TMEM183A: variants seen among roughly 807,000 people sequenced by gnomAD.
TMEM183A encodes the protein chromosome 1 open reading frame 37.
In TMEM183A, 21 loss-of-function variants were observed where a neutral mutation model predicts 46.7. The observed-to-expected ratio is 0.45, with a 90% confidence interval of 0.32 to 0.65. The LOEUF (loss-of-function observed/expected upper bound fraction) is 0.65, where lower values mean the gene tolerates loss of function less well. Among genes scored for constraint, TMEM183A ranks in the 30% least tolerant of loss-of-function variants. The probability of loss-of-function intolerance (pLI) is 0.04; values close to 1 mark genes in which losing one functional copy is unlikely to be tolerated. For synonymous variants in TMEM183A, 165 were observed against 180.2 expected (o/e 0.92, Z 0.68); for missense variants, 331 against 481.9 (o/e 0.69, Z 2.93).
intron 3 of TMEM183A, among the ~76,000 whole-genome samples, chr1:203,012,271 A>ACACT (rs1222271599): frequency 6.6e-6 from 1 of 150,508 alleles, no homozygotes; most frequent in Non-Finnish European, 1.5e-5. Context: ...ACACACACAC[A>ACACT]CACACACGGT....
intron 3 of TMEM183A, 84 bp downstream of exon 3, chr1:203,008,894 A>G: frequency 7.2e-7 from 1 of 1,381,808 alleles, no homozygotes; most frequent in South Asian, 1.7e-5. Flanking sequence ...GCACAGGAGG[A>G]GATATAAGAC....
rs1244388757 is a variant in TMEM183A, at chr1:203,007,964, G to A, written c.199+101G>A. On this transcript the variant is annotated intron_variant, in intron 2 of 7. Coordinates refer to ENST00000367242, the MANE Select transcript of TMEM183A (RefSeq NM_138391.6). ...GTCCTTTAGTCGTCTTCCTGTAACC[G>A]TGTTTGCTTTCGTTAGTGTTAACTT... 6 of 1,453,632 alleles carry A rather than the reference G, an allele frequency of 4.1e-6. No individual in the cohort carries two copies. In the African/African-American group the frequency reaches 4.2e-5, roughly 10 times the overall value. 90.0% of individuals were successfully genotyped at this position (1,453,632 alleles called of 1,614,324 possible).
chr1:203,012,234 A>AACACACAC (rs1656711401), intron 3 of TMEM183A, among the ~76,000 whole-genome samples: 1 of 15,608 alleles, frequency 6.4e-5, no homozygotes, highest in Non-Finnish European at 1.4e-4. Context: ...TCCCCACTCC[A>AACACACAC]TCACACACAC....
chr1:203,017,845 A>G, intron 5 of TMEM183A: 1 of 986,036 alleles, frequency 1.0e-6, no homozygotes, highest in Non-Finnish European at 1.2e-6. Context: ...TTGATGGAAC[A>G]GCAGGACGTA....
At chr1:203,014,686 A>G (rs936860359) in intron 3 of TMEM183A, among the ~76,000 whole-genome samples, 3 of 152,140 alleles carry the variant, frequency 2.0e-5, no homozygotes, top group Admixed American at 6.5e-5. Flanking sequence ...AGGCCTTAAG[A>G]ACAAAACCTA....
Position 203,007,958 on chromosome 1 carries a change from G to A in TMEM183A, c.199+95G>A, listed in dbSNP as rs140480639. 9.8e-5 allele frequency: 146 copies of A among 1,487,004 alleles called. 2 individuals carry two copies. The African/African-American group carries it at 1.9e-3, about 19-fold the overall frequency. 92.1% of individuals were successfully genotyped at this position (1,487,004 alleles called of 1,614,324 possible). ...CTTGCAGTCCTTTAGTCGTCTTCCTGTAACCGTGTTTGCTTTCGTTAGTGT... is the reference window on the plus strand; with the variant it reads ...CTTGCAGTCCTTTAGTCGTCTTCCTATAACCGTGTTTGCTTTCGTTAGTGT... On this transcript the variant is annotated intron_variant, in intron 2 of 7. Transcript: ENST00000367242.
chr1:203,008,551 C>G, intron 2 of TMEM183A, 92 bp from the exon 3 acceptor site: 1 of 1,179,184 alleles, frequency 8.5e-7, no homozygotes, highest in Non-Finnish European at 1.1e-6. Context: ...TTTTTCCCCC[C>G]TTTCCTGAAT....
intron 6 of TMEM183A, among the ~76,000 whole-genome samples, chr1:203,020,353 G>A (rs560156469): frequency 6.6e-6 from 1 of 152,326 alleles, no homozygotes; most frequent in African/African-American, 2.4e-5. Flanking sequence ...CTGCAGGAAA[G>A]TGAATGCCGA....
At position 203,007,759 on chromosome 1, in the gene TMEM183A, G is replaced by A. The variant is rs764357364; in HGVS notation, c.110-15G>A. On this transcript the variant is annotated splice_polypyrimidine_tract_variant and intron_variant, in intron 1 of 7. Transcript: ENST00000367242. ...AGAGAAGGCCTCTTCCTTGAGGGTT[G>A]GTGCTGTGTTGCAGTGACCGTGGCG... 1.4e-5 allele frequency: 22 copies of A among 1,613,694 alleles called. No individual in the cohort carries two copies. The highest frequency in any genetic ancestry group is 1.6e-4 in the Middle Eastern group (1 of 6,076).
intron 2 of TMEM183A, among the ~76,000 whole-genome samples, chr1:203,008,237 C>T (rs1296319599): frequency 1.3e-5 from 2 of 152,070 alleles, no homozygotes; most frequent in African/African-American, 2.4e-5. Context: ...ACTCATGGGT[C>T]TGAGACTTGT....
At position 203,007,444 on chromosome 1, in the gene TMEM183A, G is replaced by T; in HGVS notation, c.-22G>T. The T allele has an allele frequency of 7.1e-7, 1 of 1,411,948 alleles. No homozygotes were observed. Among genetic ancestry groups the T allele is most frequent in the Non-Finnish European group, 9.2e-7 (1 of 1,081,122 alleles). The allele number at this position is 1,411,948 out of a possible 1,614,324, so 87.5% of individuals were successfully genotyped here. On this transcript the variant is annotated 5_prime_UTR_variant, in exon 1 of 8. Coordinates refer to ENST00000367242, the MANE Select transcript of TMEM183A (RefSeq NM_138391.6). ...GGCGGAGCTGGCTTGCGGCTCCCGG[G>T]GCCGGCTCTCCGGCCGGAGACATGG...
chr1:203,010,623 C>T lies in TMEM183A; in HGVS notation c.367+1813C>T, dbSNP rs1043160077. ...TTGTCCTTAATTTTTCACTTGAAAT[C>T]GCTACTTATCACCATTCTATTAGGG... On this transcript the variant is annotated intron_variant, in intron 3 of 7. Transcript: ENST00000367242. 1.4e-4 allele frequency among the ~76,000 whole-genome samples: 21 copies of T among 152,150 alleles called. 1 individual carries two copies. The highest frequency in any genetic ancestry group is 3.4e-4 in the African/African-American group (14 of 41,446).
At position 203,008,627 on chromosome 1, in the gene TMEM183A, T is replaced by G. The variant is rs930381345; in HGVS notation, c.200-16T>G. ...GGAGCTGTGTGCCATCTCATTCTCC[T>G]TTTATTTTCTTCTAGTAAAATCTCT... is the stretch of plus-strand genomic sequence containing the variant. On this transcript the variant is annotated splice_polypyrimidine_tract_variant and intron_variant, in intron 2 of 7. Coordinates refer to ENST00000367242, the MANE Select transcript of TMEM183A (RefSeq NM_138391.6). The G allele has an allele frequency of 6.6e-7, 1 of 1,518,456 alleles. No homozygotes were observed. Among genetic ancestry groups the G allele is most frequent in the Non-Finnish European group, 8.8e-7 (1 of 1,130,588 alleles). The allele number at this position is 1,518,456 out of a possible 1,614,324, so 94.1% of individuals were successfully genotyped here. A position where few individuals can be genotyped will look rare whatever the true frequency, so the allele number is the denominator to read the frequency against.
At position 203,011,233 on chromosome 1, in the gene TMEM183A, C is replaced by G. The variant is rs541202924; in HGVS notation, c.367+2423C>G. Reference sequence around the variant, plus strand: ...GTGTGTGCATCGTTTTATATTTCCACCAGCAGTGTATAAGAGTTCCAGTTT... The same window carrying G: ...GTGTGTGCATCGTTTTATATTTCCAGCAGCAGTGTATAAGAGTTCCAGTTT... On this transcript the variant is annotated intron_variant, in intron 3 of 7. Transcript: ENST00000367242. Among the ~76,000 whole-genome samples, 176 of 152,280 alleles carry G rather than the reference C, an allele frequency of 1.2e-3. 1 individual carries two copies. The highest frequency in any genetic ancestry group is 3.9e-3 in the African/African-American group (161 of 41,546).
intron 3 of TMEM183A, among the ~76,000 whole-genome samples, chr1:203,012,531 T>A (rs556852084): frequency 6.6e-6 from 1 of 152,352 alleles, no homozygotes; most frequent in East Asian, 1.9e-4. Flanking sequence ...ATGTCCTTCA[T>A]GATTTATCTC....
Position 203,008,602 on chromosome 1 carries a change from G to T in TMEM183A, c.200-41G>T. 4 of 1,418,192 alleles carry T rather than the reference G, an allele frequency of 2.8e-6. No individual in the cohort carries two copies. In the South Asian group the frequency reaches 5.0e-5, roughly 18 times the overall value. The allele number at this position is 1,418,192 out of a possible 1,614,324, so 87.9% of individuals were successfully genotyped here. ...GGCTAAGTTGTTTGTATTTCTGGGT[G>T]GAGCTGTGTGCCATCTCATTCTCCT... On this transcript the variant is annotated intron_variant, in intron 2 of 7. Coordinates refer to ENST00000367242, the MANE Select transcript of TMEM183A (RefSeq NM_138391.6).
rs1027333515 is a variant in TMEM183A at position 203,023,294 on chromosome 1, G to A, written c.*254G>A. The A allele has an allele frequency of 4.3e-5, 12 of 277,406 alleles. No individual in the cohort carries two copies. Among genetic ancestry groups the A allele is most frequent in the Non-Finnish European group, 7.5e-5 (11 of 146,990 alleles). 17.2% of individuals were successfully genotyped at this position (277,406 alleles called of 1,614,324 possible). A position where few individuals can be genotyped will look rare whatever the true frequency, so the allele number is the denominator to read the frequency against. Reference sequence around the variant, plus strand: ...GTTTTCTGTGTTAAAACCCCATTTGGTGCTATTGAGTTTGTTCTTTATTCT... The same window carrying A: ...GTTTTCTGTGTTAAAACCCCATTTGATGCTATTGAGTTTGTTCTTTATTCT... On this transcript the variant is annotated 3_prime_UTR_variant, in exon 8 of 8. Coordinates refer to ENST00000367242, the MANE Select transcript of TMEM183A (RefSeq NM_138391.6).
At chr1:203,017,080 TC>T (rs1571616924) in intron 5 of TMEM183A, among the ~76,000 whole-genome samples, 1 of 152,106 alleles carries the variant, frequency 6.6e-6, no homozygotes, top group Non-Finnish European at 1.5e-5. Context: ...TTATCGAGGT[TC>T]CCCCCAGCCT....
intron 3 of TMEM183A, among the ~76,000 whole-genome samples, chr1:203,010,138 CA>C (rs3041263): frequency 2.5e-4 from 35 of 139,736 alleles, no homozygotes; most frequent in African/African-American, 3.7e-4. Flanking sequence ...GACTCTGTCT[CA>C]AAAAAAAAAA....
Sources: gnomAD v4.1 joint callset for allele counts (sites outside exome capture counted in the v4.1 genomes callset) on GRCh38, gnomAD v4.1.1 for gene constraint, MANE v1.5 for transcripts, NCBI Gene and HGNC (gene_info 2026-07-23, HGNC 2026-07-21) for gene names.